The following ADAM23 variants were observed in gnomAD, a reference collection of about 807,000 sequenced individuals.
ADAM23 encodes the protein ADAM metallopeptidase domain 23, also known as disintegrin and metalloproteinase domain-containing protein 23.
ADAM23 carries 33 observed loss-of-function variants against 120.1 expected under a neutral mutation model. The ratio of observed to expected loss-of-function variants is 0.27; its 90% CI spans 0.21 to 0.37. The LOEUF is 0.37. ADAM23 is among the 10% of genes least tolerant of loss of function. The probability of loss-of-function intolerance (pLI) is 1.00; values close to 1 mark genes in which losing one functional copy is unlikely to be tolerated. For synonymous variants in ADAM23, 367 were observed against 375.2 expected (o/e 0.98, Z 0.25); for missense variants, 862 against 1,058.2 (o/e 0.81, Z 2.57).
At chr2:206,463,744 G>A (rs971167607) in intron 2 of ADAM23, among the ~76,000 whole-genome samples, 2 of 152,252 alleles carry the variant, frequency 1.3e-5, no homozygotes, top group Admixed American at 1.3e-4. Flanking sequence ...GGCAGGTCAG[G>A]ATGAGATGGA....
At chr2:206,601,524 A>G (rs549408003) in intron 24 of ADAM23, among the ~76,000 whole-genome samples, 41 of 152,256 alleles carry the variant, frequency 2.7e-4, no homozygotes, top group African/African-American at 9.6e-4. Flanking sequence ...TGTGATCCCA[A>G]CACTTTAGGA....
At chr2:206,596,794 C>G (rs1698535495) in intron 24 of ADAM23, among the ~76,000 whole-genome samples, 1 of 151,828 alleles carries the variant, frequency 6.6e-6, no homozygotes, top group South Asian at 2.1e-4. Flanking sequence ...GAGGTCAGGT[C>G]ACTTACTATA....
chr2:206,545,640 TA>T (rs1697383329), intron 6 of ADAM23, among the ~76,000 whole-genome samples: 1 of 152,204 alleles, frequency 6.6e-6, no homozygotes, highest in Non-Finnish European at 1.5e-5. Flanking sequence ...AGAAAAGTTT[TA>T]AAGGGTTGGT....
chr2:206,608,286 G>A (rs1011234370), intron 24 of ADAM23, among the ~76,000 whole-genome samples: 11 of 152,208 alleles, frequency 7.2e-5, no homozygotes, highest in African/African-American at 2.7e-4. Context: ...AAAGCAGACA[G>A]TGGGGCTAGA....
chr2:206,477,893 A>ATATATATATATATATATATATATAT (rs1199167461), intron 2 of ADAM23, among the ~76,000 whole-genome samples: 7 of 101,426 alleles, frequency 6.9e-5, no homozygotes, highest in African/African-American at 2.7e-4. Context: ...AAAAAAAAAA[A>ATATATATATATATATATATATATAT]AAAAATATAT....
intron 2 of ADAM23, among the ~76,000 whole-genome samples, chr2:206,447,643 A>C (rs1695109226): frequency 1.3e-5 from 2 of 152,266 alleles, no homozygotes; most frequent in Admixed American, 1.3e-4. Context: ...GCTTAATAAC[A>C]GTGATGAGAG....
chr2:206,486,585 T>C (rs545653943), intron 3 of ADAM23, among the ~76,000 whole-genome samples: 1 of 152,300 alleles, frequency 6.6e-6, no homozygotes, highest in East Asian at 1.9e-4. Flanking sequence ...AGAATAACCA[T>C]GATTAGAGTG....
At chr2:206,546,441 G>T (rs1230370920) in intron 6 of ADAM23, among the ~76,000 whole-genome samples, 2 of 152,218 alleles carry the variant, frequency 1.3e-5, no homozygotes, top group African/African-American at 4.8e-5. Context: ...TATCTCTCAA[G>T]TAATAAATGA....
At chr2:206,563,123 G>A (rs1276533534) in intron 13 of ADAM23, among the ~76,000 whole-genome samples, 3 of 151,984 alleles carry the variant, frequency 2.0e-5, no homozygotes, top group Non-Finnish European at 4.4e-5. Context: ...TATGACAGTG[G>A]GCAACGACCT....
chr2:206,477,187 C>T (rs572567071), intron 2 of ADAM23, among the ~76,000 whole-genome samples: 2 of 151,990 alleles, frequency 1.3e-5, no homozygotes, highest in Admixed American at 6.6e-5. Context: ...AAGTCTTAGC[C>T]GAAGAACCCA....
At chr2:206,594,177 A>G (rs1169789658) in intron 22 of ADAM23, among the ~76,000 whole-genome samples, 1 of 152,038 alleles carries the variant, frequency 6.6e-6, no homozygotes, top group Non-Finnish European at 1.5e-5. Context: ...CACAAAGACA[A>G]AATTGACTAA....
intron 12 of ADAM23, 28 bp from the exon 13 acceptor site, chr2:206,562,175 C>G (rs369053146): frequency 6.3e-7 from 1 of 1,589,320 alleles, no homozygotes; most frequent in Non-Finnish European, 8.6e-7. Context: ...TCAAATGTCT[C>G]CCACACACTT....
In ADAM23 at chr2:206,560,079, A is replaced by G; in HGVS notation, c.1130A>G (p.Gln377Arg). Residue 377 changes from glutamine to arginine, a missense_variant, in exon 11 of 26, where the codon CAG becomes CGG. Physicochemically the swap from Gln to Arg is conservative, Grantham distance 43. Transcript: ENST00000264377. ...CTCCATGAGTTCTCAAAATACCGGC[A>G]GCGCATTAAGCAGCATGCTGATGCT... ...QMLHEFSKYR[Q>R]RIKQHADAVH... is the part of the protein sequence containing the mutation. 6.2e-7 allele frequency: 1 copy of G among 1,614,194 alleles called. No individual in the cohort carries two copies. Among genetic ancestry groups the G allele is most frequent in the Non-Finnish European group, 8.5e-7 (1 of 1,179,988 alleles).
intron 18 of ADAM23, among the ~76,000 whole-genome samples, chr2:206,585,358 C>G (rs1698301944): frequency 6.6e-6 from 1 of 152,210 alleles, no homozygotes; most frequent in Non-Finnish European, 1.5e-5. Flanking sequence ...GGGATTTCTG[C>G]TCTTGTGTAG....
chr2:206,466,964 A>G (rs1695553452), intron 2 of ADAM23, among the ~76,000 whole-genome samples: 1 of 151,874 alleles, frequency 6.6e-6, no homozygotes, highest in Non-Finnish European at 1.5e-5. Flanking sequence ...AGTGTGACAC[A>G]CTCTTAAACA....
chr2:206,549,563 G>A (rs1353475571), intron 8 of ADAM23, among the ~76,000 whole-genome samples: 2 of 151,884 alleles, frequency 1.3e-5, no homozygotes, highest in African/African-American at 4.8e-5. Flanking sequence ...GAGAAATTGA[G>A]CAGTTAAGAA....
At position 206,587,313 on chromosome 2, in the gene ADAM23, A is replaced by G. The variant is rs1698341672; in HGVS notation, c.1738-12A>G. 1 of 1,598,134 alleles carries G rather than the reference A, an allele frequency of 6.3e-7. No individual in the cohort carries two copies. The highest frequency in any genetic ancestry group is 1.3e-5 in the African/African-American group (1 of 74,506). ...CATGCTGAATATTAACTAAAAAGAT[A>G]ATATTTTGCAGTGCCCACCAAATCT... On this transcript the variant is annotated splice_polypyrimidine_tract_variant and intron_variant, in intron 18 of 25. Coordinates refer to ENST00000264377, the MANE Select transcript of ADAM23 (RefSeq NM_003812.4).
intron 4 of ADAM23, among the ~76,000 whole-genome samples, chr2:206,538,588 A>T (rs867955342): frequency 6.6e-6 from 1 of 152,190 alleles, no homozygotes; most frequent in Admixed American, 6.5e-5. Flanking sequence ...TATGGTCACT[A>T]TCAATGTCCA....
At chr2:206,508,918 C>T (rs1034778581) in intron 3 of ADAM23, among the ~76,000 whole-genome samples, 3 of 152,116 alleles carry the variant, frequency 2.0e-5, no homozygotes, top group South Asian at 4.2e-4. Flanking sequence ...TCTCTGAGAT[C>T]GCTGGCAAAG....
Sources: allele counts gnomAD v4.1 joint callset (sites outside exome capture counted in the v4.1 genomes callset), GRCh38; gene constraint gnomAD v4.1.1; transcripts MANE v1.5; gene names NCBI Gene and HGNC (gene_info 2026-07-23, HGNC 2026-07-21).